Variants in SIK3 observed in about 807,000 individuals in gnomAD.
SIK3 encodes serine/threonine-protein kinase SIK3.
SIK3 carries 28 observed loss-of-function variants against 144.2 expected under a neutral mutation model. The ratio of observed to expected loss-of-function variants is 0.19; its 90% CI spans 0.14 to 0.27. The LOEUF is 0.27. SIK3 is among the 10% of genes least tolerant of loss of function. The pLI is 1.00. For missense variants in SIK3, 1,319 were observed against 1,776.0 expected (o/e 0.74, Z 4.62); for synonymous variants, 686 against 676.3 (o/e 1.01, Z -0.22).
At chr11:117,059,814 C>T (rs144567224) in intron 1 of SIK3, among the ~76,000 whole-genome samples, 157 of 152,268 alleles carry the variant, frequency 1.0e-3, no homozygotes, top group East Asian at 3.1e-3. Context: ...ACACCACATA[C>T]CTATTAGAAT....
intron 1 of SIK3, among the ~76,000 whole-genome samples, chr11:117,042,066 T>G (rs1952765851): frequency 6.6e-6 from 1 of 152,174 alleles, no homozygotes; most frequent in African/African-American, 2.4e-5. Context: ...AATTATTATC[T>G]GGAGCCTGGG....
intron 3 of SIK3, among the ~76,000 whole-genome samples, chr11:116,953,063 C>CA (rs1308941971): frequency 6.6e-6 from 1 of 151,840 alleles, no homozygotes; most frequent in African/African-American, 2.4e-5. Flanking sequence ...CTTTGACACA[C>CA]AAAAAAACAC....
At chr11:117,091,966 A>G (rs771385246) in intron 1 of SIK3, among the ~76,000 whole-genome samples, 10 of 152,066 alleles carry the variant, frequency 6.6e-5, no homozygotes, top group Non-Finnish European at 1.5e-4. Context: ...AATTGTTTGT[A>G]GAGATGGGAT....
chr11:116,950,676 C>A (rs1948892690), intron 3 of SIK3, among the ~76,000 whole-genome samples: 1 of 152,248 alleles, frequency 6.6e-6, no homozygotes, highest in African/African-American at 2.4e-5. Flanking sequence ...CTTACTGGAA[C>A]ACTTATTCTA....
At chr11:116,891,692 G>A (rs1437535837) in intron 6 of SIK3, among the ~76,000 whole-genome samples, 1 of 152,176 alleles carries the variant, frequency 6.6e-6, no homozygotes, top group South Asian at 2.1e-4. Flanking sequence ...GAAAATGTAC[G>A]TGTATGTGTG....
intron 21 of SIK3, among the ~76,000 whole-genome samples, chr11:116,854,042 T>C (rs1942672782): frequency 6.6e-6 from 1 of 152,224 alleles, no homozygotes; most frequent in Non-Finnish European, 1.5e-5. Flanking sequence ...GACACTGATA[T>C]GATGGCATCT....
chr11:116,858,296 G>GC lies in SIK3; in HGVS notation c.3168_3169insG (p.Gln1057AlafsTer43), dbSNP rs775912099. 3.0e-5 allele frequency: 47 copies of GC among 1,575,346 alleles called. No individual in the cohort carries two copies. In the African/African-American group the frequency reaches 5.5e-4, roughly 18 times the overall value. On this transcript the variant is annotated frameshift_variant, in exon 21 of 25. Coordinates refer to ENST00000445177, the MANE Select transcript of SIK3 (RefSeq NM_001366686.3). LOFTEE classifies it high-confidence loss of function. This position sits in a 1 kb window ranked among gnomAD's most constrained non-coding sequence, Gnocchi z 5.4. ...TCCTGGTATTCTTGCTGTTGCTGCT[G>GC]TTGCTGCTGCTGCTGCCGTTGTTGC...
At chr11:117,072,195 C>T (rs1254386495) in intron 1 of SIK3, among the ~76,000 whole-genome samples, 1 of 152,006 alleles carries the variant, frequency 6.6e-6, no homozygotes, top group African/African-American at 2.4e-5. Context: ...CGAGACCAGC[C>T]TGGCCAACAT....
intron 6 of SIK3, among the ~76,000 whole-genome samples, chr11:116,893,282 C>T (rs946802265): frequency 2.6e-5 from 4 of 152,058 alleles, no homozygotes; most frequent in African/African-American, 9.7e-5. Context: ...TTGATTATGA[C>T]AGGGGTCAGC....
At chr11:116,932,172 G>T (rs978942968) in intron 3 of SIK3, among the ~76,000 whole-genome samples, 4 of 152,070 alleles carry the variant, frequency 2.6e-5, no homozygotes, top group Non-Finnish European at 5.9e-5. Flanking sequence ...AGTGCCACCA[G>T]CCTCATTTAA....
chr11:116,988,319 G>T (rs1399012527), intron 1 of SIK3, among the ~76,000 whole-genome samples: 2 of 151,906 alleles, frequency 1.3e-5, no homozygotes, highest in East Asian at 3.9e-4. Context: ...CCGGGAGGCG[G>T]AGCTTGCAGT....
At chr11:116,980,743 T>C (rs979434027) in intron 1 of SIK3, among the ~76,000 whole-genome samples, 4 of 151,854 alleles carry the variant, frequency 2.6e-5, no homozygotes, top group Admixed American at 2.6e-4. Flanking sequence ...TCCTAGCTAC[T>C]AGGGAGACTG....
In SIK3 at chr11:116,876,909, C is replaced by A; in HGVS notation, c.984+15G>T. On this transcript the variant is annotated intron_variant, in intron 7 of 24. Coordinates refer to ENST00000445177, the MANE Select transcript of SIK3 (RefSeq NM_001366686.3). ...CTTTCAGAGGAGTCCCCTGCAGCAGCGGTTCCCAGCTCACCCTGTCAAAGT... is the reference window on the plus strand; with the variant it reads ...CTTTCAGAGGAGTCCCCTGCAGCAGAGGTTCCCAGCTCACCCTGTCAAAGT... The A allele has an allele frequency of 6.2e-7, 1 of 1,607,348 alleles. No individual in the cohort carries two copies. The highest frequency in any genetic ancestry group is 1.3e-5 in the African/African-American group (1 of 74,912).
At chr11:116,864,443 C>T (rs1233684407) in intron 15 of SIK3, 1 of 152,248 alleles carries the variant, frequency 6.6e-6, no homozygotes, top group African/African-American at 2.4e-5. Flanking sequence ...ATAAGGTCAC[C>T]TACTGTGAAA....
intron 6 of SIK3, among the ~76,000 whole-genome samples, chr11:116,889,411 T>A (rs1242714940): frequency 6.6e-6 from 1 of 151,334 alleles, no homozygotes; most frequent in Admixed American, 6.6e-5. Context: ...AAAAATCTTT[T>A]AAAAAATTAG....
intron 1 of SIK3, among the ~76,000 whole-genome samples, chr11:117,086,064 C>T (rs1954989838): frequency 6.6e-6 from 1 of 152,200 alleles, no homozygotes; most frequent in Admixed American, 6.5e-5. Context: ...CCAAAACTTA[C>T]TGTATAGGAG....
chr11:116,969,554 G>A (rs1357510828), intron 1 of SIK3, among the ~76,000 whole-genome samples: 3 of 107,100 alleles, frequency 2.8e-5, no homozygotes, highest in African/African-American at 1.1e-4. Context: ...GATCAAGTTG[G>A]CATTTTTTGA....
At chr11:117,074,278 A>G (rs1264011969) in intron 1 of SIK3, among the ~76,000 whole-genome samples, 1 of 152,150 alleles carries the variant, frequency 6.6e-6, no homozygotes, top group African/African-American at 2.4e-5. Context: ...TGACAGATAC[A>G]TCCCTATCTC....
At chr11:117,054,083 T>C (rs554924062) in intron 1 of SIK3, among the ~76,000 whole-genome samples, 6 of 152,284 alleles carry the variant, frequency 3.9e-5, no homozygotes, top group East Asian at 3.9e-4. Flanking sequence ...TTGCCTCTTA[T>C]AATGAGGGAC....
Sources: allele counts gnomAD v4.1 joint callset (sites outside exome capture counted in the v4.1 genomes callset), GRCh38; gene constraint gnomAD v4.1.1; non-coding constraint Gnocchi (gnomAD v3.1); transcripts MANE v1.5; gene names NCBI Gene and HGNC (gene_info 2026-07-23, HGNC 2026-07-21).